Variants in EXD1 observed in about 807,000 individuals in gnomAD.
EXD1 encodes the protein piRNA biogenesis protein EXD1.
A neutral mutation model predicts 49.1 loss-of-function variants in EXD1; 63 were observed. The ratio of observed to expected loss-of-function variants is 1.28; its 90% CI spans 1.05 to 1.58. The LOEUF is 1.58. EXD1 is among the 40% of genes most tolerant of loss of function. The pLI is 0.00. For missense variants in EXD1, 748 were observed against 666.0 expected, an observed-to-expected ratio of 1.12 and a Z score of -1.36; for synonymous variants, 234 against 239.2, an observed-to-expected ratio of 0.98 and a Z score of 0.20.
intron 7 of EXD1, among the ~76,000 whole-genome samples, chr15:41,203,335 A>G (rs1173985903): frequency 6.6e-6 from 1 of 152,134 alleles, no homozygotes; most frequent in Non-Finnish European, 1.5e-5. Flanking sequence ...GGGGTTGACA[A>G]TGTTTAGACA....
chr15:41,194,111 A>G (rs2046574159), intron 9 of EXD1, among the ~76,000 whole-genome samples: 1 of 144,656 alleles, frequency 6.9e-6, no homozygotes, highest in African/African-American at 2.6e-5. Context: ...TCCCAGGTTC[A>G]CACCATTCTC....
intron 2 of EXD1, among the ~76,000 whole-genome samples, chr15:41,223,083 G>A (rs1451853956): frequency 6.7e-6 from 1 of 149,934 alleles, no homozygotes; most frequent in Non-Finnish European, 1.5e-5. Context: ...CCGAATAGCT[G>A]AGACTACAGG....
intron 3 of EXD1, among the ~76,000 whole-genome samples, chr15:41,218,998 C>T (rs1350372695): frequency 6.6e-6 from 1 of 152,110 alleles, no homozygotes; most frequent in Non-Finnish European, 1.5e-5. Context: ...ATGCACAGTC[C>T]TAAGAGGTCC....
chr15:41,209,663 T>C, intron 6 of EXD1, 76 bp from the exon 7 acceptor site: 2 of 1,262,302 alleles, frequency 1.6e-6, no homozygotes, highest in Non-Finnish European at 2.3e-6. Context: ...TTGGCACAAA[T>C]ACAATGGTCA....
intron 7 of EXD1, among the ~76,000 whole-genome samples, chr15:41,199,785 A>C (rs540838514): frequency 3.7e-4 from 39 of 106,768 alleles, no homozygotes; most frequent in African/African-American, 1.4e-3. Context: ...GTCATATATT[A>C]TATAATGTCA....
At chr15:41,190,411 T>C (rs2046494184) in intron 10 of EXD1, 2 of 371,038 alleles carry the variant, frequency 5.4e-6, no homozygotes, top group Admixed American at 7.3e-5. Context: ...AGGCGGAGCT[T>C]GCAGGGTTGC....
chr15:41,188,609 T>C (rs1429937868), intron 11 of EXD1, among the ~76,000 whole-genome samples: 1 of 151,852 alleles, frequency 6.6e-6, no homozygotes, highest in African/African-American at 2.4e-5. Context: ...GCCAGGCTGA[T>C]CTCAAACTCT....
Position 41,184,399 on chromosome 15 carries a change from A to T in EXD1, c.1251T>A (p.Asn417Lys). The change falls in exon 12 of 12, where the codon AAT (asparagine) becomes AAA (lysine). Residue 417 changes from asparagine (N) to lysine (K), a missense_variant. By Grantham distance (94) the Asn-to-Lys change is moderately conservative. Coordinates refer to ENST00000458580, the MANE Select transcript of EXD1 (RefSeq NM_001286441.2). ...EKVKGFLFGK[N>K]FRIDKAPSFT... ...AACTTGGAGCTTTATCTATCCTAAA[A>T]TTTTTACCAAATAAGAAGCCTTTGA... 1 of 1,613,944 alleles carries T rather than the reference A, an allele frequency of 6.2e-7. No homozygotes were observed. Among genetic ancestry groups the T allele is most frequent in the South Asian group, 1.1e-5 (1 of 91,056 alleles).
At chr15:41,227,314 A>C (rs1211877440) in intron 1 of EXD1, among the ~76,000 whole-genome samples, 1 of 152,158 alleles carries the variant, frequency 6.6e-6, no homozygotes, top group African/African-American at 2.4e-5. Context: ...GAAATGTTCC[A>C]TTTCTGTGTA....
intron 6 of EXD1, 142 bp downstream of exon 6, chr15:41,215,633 C>G (rs1460175607): frequency 1.3e-6 from 1 of 775,622 alleles, no homozygotes; most frequent in Non-Finnish European, 2.1e-6. Context: ...TTGCAGTGAG[C>G]CAAGATTGGT....
In EXD1 at chr15:41,184,467, G is replaced by A. The variant is rs764602096; in HGVS notation, c.1183C>T (p.Pro395Ser). 6.2e-7 allele frequency: 1 copy of A among 1,613,808 alleles called. No individual in the cohort carries two copies. The highest frequency in any genetic ancestry group is 8.5e-7 in the Non-Finnish European group (1 of 1,180,004). ...GCTGTCTCTGTCACTAATTTCTTTG[G>A]CTGTAGCACTGTCCTTATCAGGAGT... Reference protein sequence around the residue: ...QGLLIRTVLQPKKLVTETAGK... With the variant: ...QGLLIRTVLQSKKLVTETAGK... The change falls in exon 12 of 12, where the codon CCA becomes TCA. Residue 395 changes from proline to serine, a missense_variant. Transcript: ENST00000458580.
At chr15:41,204,684 T>C (rs1438170959) in intron 7 of EXD1, among the ~76,000 whole-genome samples, 1 of 152,126 alleles carries the variant, frequency 6.6e-6, no homozygotes, top group African/African-American at 2.4e-5. Context: ...TGAGCCATGA[T>C]GGAGCCACTA....
At chr15:41,206,639 T>C (rs2046827878) in intron 7 of EXD1, among the ~76,000 whole-genome samples, 1 of 117,682 alleles carries the variant, frequency 8.5e-6, no homozygotes, top group African/African-American at 4.0e-5. Context: ...TTTTTTTTTT[T>C]GAGAAGGAGT....
intron 9 of EXD1, among the ~76,000 whole-genome samples, chr15:41,192,619 TTTTTTTTTTTTTTG>T (rs2046543471): frequency 9.6e-6 from 1 of 104,474 alleles, no homozygotes; most frequent in African/African-American, 4.0e-5. Flanking sequence ...TTTTTTTTTT[TTTTTTTTTTTTTTG>T]AGATAGGGTC....
chr15:41,212,135 T>G (rs533901450), intron 6 of EXD1, among the ~76,000 whole-genome samples: 1 of 151,512 alleles, frequency 6.6e-6, no homozygotes, highest in Admixed American at 6.6e-5. Context: ...AAATTACAGA[T>G]AAGTGTTGGC....
chr15:41,223,005 C>T (rs577373825), intron 2 of EXD1, among the ~76,000 whole-genome samples: 7 of 151,406 alleles, frequency 4.6e-5, no homozygotes, highest in African/African-American at 1.7e-4. Context: ...GGCTGGAGTG[C>T]AGGAGCACAA....
intron 2 of EXD1, 83 bp downstream of exon 2, chr15:41,226,360 C>T: frequency 3.8e-6 from 5 of 1,302,250 alleles, no homozygotes; most frequent in Non-Finnish European, 5.3e-6. Context: ...AATAATGCCA[C>T]CCTCCCAATC....
intron 5 of EXD1, among the ~76,000 whole-genome samples, chr15:41,216,226 T>G: frequency 6.6e-6 from 1 of 151,680 alleles, no homozygotes; most frequent in East Asian, 1.9e-4. Flanking sequence ...CAGCTTAGGA[T>G]TCCATAGAGA....
rs535750393 is a variant in EXD1, at chr15:41,192,479, T to C, written c.721-894A>G. Among the ~76,000 whole-genome samples, 580 of 151,910 alleles carry C rather than the reference T, an allele frequency of 3.8e-3. 3 individuals are homozygous for C. Among genetic ancestry groups the C allele is most frequent in the South Asian group, 0.02 (97 of 4,808 alleles). ...GCCTGGCTAATTTTCATATTGTTAG[T>C]GCAGACAGGGTTTCACCATGTTGGC... On this transcript the variant is annotated intron_variant, in intron 9 of 11. Coordinates refer to ENST00000458580, the MANE Select transcript of EXD1 (RefSeq NM_001286441.2).
Sources: gnomAD v4.1 joint callset for allele counts (sites outside exome capture counted in the v4.1 genomes callset) on GRCh38, gnomAD v4.1.1 for gene constraint, MANE v1.5 for transcripts, NCBI Gene and HGNC (gene_info 2026-07-23, HGNC 2026-07-21) for gene names.